P4HA2: variants seen among roughly 807,000 people sequenced by gnomAD.
P4HA2 encodes the protein prolyl 4-hydroxylase subunit alpha 2.
In P4HA2, 46 loss-of-function variants were observed where a neutral mutation model predicts 76.9. The ratio of observed to expected loss-of-function variants is 0.60; its 90% CI spans 0.47 to 0.76. The LOEUF is 0.76. Among genes scored for constraint, P4HA2 ranks in the 30% least tolerant of loss-of-function variants. The pLI, the probability that P4HA2 is intolerant of heterozygous loss-of-function variation, is 0.00. For synonymous variants in P4HA2, 243 were observed against 254.0 expected (o/e 0.96, Z 0.41); for missense variants, 583 against 669.4 (o/e 0.87, Z 1.42).
chr5:132,223,686 G>T (rs896425287), intron 1 of P4HA2, among the ~76,000 whole-genome samples: 3 of 152,162 alleles, frequency 2.0e-5, no homozygotes, highest in African/African-American at 7.2e-5. Context: ...AGCACTATTT[G>T]TTTCCAAAAA....
chr5:132,195,674 A>G, intron 12 of P4HA2, 194 bp from the exon 13 acceptor site: 1 of 617,416 alleles, frequency 1.6e-6, no homozygotes, highest in East Asian at 2.8e-5. Context: ...GATTCATTAG[A>G]ACAGTCTCCA....
rs1295970926 is a variant in P4HA2, at chr5:132,203,734, G to A, written c.1251+14C>T. The A allele has an allele frequency of 2.6e-6, 4 of 1,523,732 alleles. No individual in the cohort carries two copies. The highest frequency in any genetic ancestry group is 2.7e-6 in the Non-Finnish European group (3 of 1,097,698). The allele number at this position is 1,523,732 out of a possible 1,614,324, so 94.4% of individuals were successfully genotyped here. On this transcript the variant is annotated intron_variant, in intron 10 of 14. Coordinates refer to ENST00000360568, the MANE Select transcript of P4HA2 (RefSeq NM_001017974.2). ...CCACTTCCCAACTCCTACAGTCCCAGGTACTATCTGTACCTGTAACAATTC... is the reference window on the plus strand; with the variant it reads ...CCACTTCCCAACTCCTACAGTCCCAAGTACTATCTGTACCTGTAACAATTC...
At position 132,198,237 on chromosome 5, in the gene P4HA2, G is replaced by A. The variant is rs778443240; in HGVS notation, c.1365+84C>T. 77 of 1,614,046 alleles carry A rather than the reference G, an allele frequency of 4.8e-5. No homozygotes were observed. The highest frequency in any genetic ancestry group is 1.6e-4 in the Middle Eastern group (1 of 6,084). ...TAAGAAAGTAGCCACACGATTCCCC[G>A]TCCCTAAATGCTTGAAAGTATCTCG... On this transcript the variant is annotated intron_variant, in intron 12 of 14. Transcript: ENST00000360568.
At chr5:132,218,760 G>A in intron 1 of P4HA2, 116 bp from the exon 2 acceptor site, 2 of 640,432 alleles carry the variant, frequency 3.1e-6, no homozygotes. Flanking sequence ...TCAAAATCCT[G>A]GCCTAGCACA....
intron 5 of P4HA2, 114 bp from the exon 6 acceptor site, chr5:132,210,637 T>G (rs1233771606): frequency 1.0e-6 from 1 of 1,003,090 alleles, no homozygotes; most frequent in Non-Finnish European, 1.6e-6. Context: ...CAAGCAGAAC[T>G]CCATCGGACA....
At chr5:132,200,821 T>C (rs1751387656) in intron 10 of P4HA2, 1 of 152,270 alleles carries the variant, frequency 6.6e-6, no homozygotes, top group Admixed American at 6.5e-5. Context: ...ATTGCTTAAA[T>C]TTACAAATCC....
At position 132,217,612 on chromosome 5, in the gene P4HA2, C is replaced by T. The variant is rs1031245473; in HGVS notation, c.179+140G>A. 8 of 694,684 alleles carry T rather than the reference C, an allele frequency of 1.2e-5. No individual in the cohort carries two copies. The African/African-American group carries it at 1.2e-4, about 11-fold the overall frequency. 43.0% of individuals were successfully genotyped at this position (694,684 alleles called of 1,614,324 possible). On this transcript the variant is annotated intron_variant, in intron 3 of 14. Transcript: ENST00000360568. ...GCCCATGTACTTAGCTCCTCTCAAG[C>T]ACTGGCATGAAGTAACCAGGCCAGC...
At chr5:132,203,986 C>T in intron 9 of P4HA2, 96 bp downstream of exon 9, 1 of 1,194,312 alleles carries the variant, frequency 8.4e-7, no homozygotes, top group South Asian at 1.2e-5. Flanking sequence ...GAGGTGCCAG[C>T]AGGCAGGAAA....
At chr5:132,215,973 A>C (rs1276314769) in intron 4 of P4HA2, among the ~76,000 whole-genome samples, 4 of 151,124 alleles carry the variant, frequency 2.6e-5, no homozygotes, top group Non-Finnish European at 5.9e-5. Flanking sequence ...CATCCTAGCC[A>C]ACATGGTGAA....
chr5:132,225,473 A>G (rs991696560), intron 1 of P4HA2, among the ~76,000 whole-genome samples: 10 of 152,222 alleles, frequency 6.6e-5, no homozygotes, highest in South Asian at 6.2e-4. Context: ...GAGACCCTAG[A>G]TTCCCTCAAC....
rs749068368 is a variant in P4HA2 at position 132,217,829 on chromosome 5, A to T, written c.102T>A (p.Ile34=). 6.8e-6 allele frequency: 11 copies of T among 1,611,502 alleles called. No homozygotes were observed. Among genetic ancestry groups the T allele is most frequent in the Non-Finnish European group, 9.3e-6 (11 of 1,177,894 alleles). Residue 34 remains isoleucine, a synonymous_variant, in exon 3 of 15, where the codon ATT becomes ATA. Transcript: ENST00000360568. The part of the protein sequence containing the change: ...FTSIGHMTDL[I]YAEKELVQSL... ...ACTGCACCAGCTCTTTCTCTGCATAAATCAGGTCAGTCATGTGCCCTGCAA... is the reference window on the plus strand; with the variant it reads ...ACTGCACCAGCTCTTTCTCTGCATATATCAGGTCAGTCATGTGCCCTGCAA...
At position 132,205,298 on chromosome 5, in the gene P4HA2, A is replaced by G. The variant is rs148137882; in HGVS notation, c.1081-1146T>C. 1.6e-4 allele frequency among the ~76,000 whole-genome samples: 24 copies of G among 152,304 alleles called. No individual in the cohort carries two copies. The East Asian group carries it at 4.4e-3, about 28-fold the overall frequency. On this transcript the variant is annotated intron_variant, in intron 8 of 14. Transcript: ENST00000360568. ...AGAGGAACATTACAGGAACAGGGAAAGAGCAGCAATCCAGAGGCCTGGGAA... is the reference window on the plus strand; with the variant it reads ...AGAGGAACATTACAGGAACAGGGAAGGAGCAGCAATCCAGAGGCCTGGGAA...
chr5:132,193,512 G>T (rs1383464522), intron 14 of P4HA2: 6 of 152,438 alleles, frequency 3.9e-5, no homozygotes, highest in Non-Finnish European at 8.8e-5. Flanking sequence ...CACCAAGAGG[G>T]TCCCAGGAGT....
chr5:132,195,779 G>A, intron 12 of P4HA2: 1 of 450,148 alleles, frequency 2.2e-6, no homozygotes. Context: ...GAAAATGCCT[G>A]TTCTGACCCC....
In P4HA2 at chr5:132,190,763, C is replaced by T. The variant is rs945902188; in HGVS notation, c.*2247G>A. ...AGCTCCTGTTTATCAAAAGACAGAA[C>T]TAAAATAGTGAAAAGACAAGCCACA... On this transcript the variant is annotated 3_prime_UTR_variant, in exon 15 of 15. Coordinates refer to ENST00000360568, the MANE Select transcript of P4HA2 (RefSeq NM_001017974.2). Among the ~76,000 whole-genome samples, 1 of 151,906 alleles carries T rather than the reference C, an allele frequency of 6.6e-6. No individual in the cohort carries two copies. Among genetic ancestry groups the T allele is most frequent in the Non-Finnish European group, 1.5e-5 (1 of 67,968 alleles).
chr5:132,214,249 C>T (rs1362151401), intron 4 of P4HA2, among the ~76,000 whole-genome samples, 196 bp from the exon 5 acceptor site: 1 of 151,822 alleles, frequency 6.6e-6, no homozygotes, highest in Non-Finnish European at 1.5e-5. Context: ...CTTTCTTACT[C>T]CTCACCATAC....
At chr5:132,196,905 T>TA (rs1235698943) in intron 12 of P4HA2, among the ~76,000 whole-genome samples, 2 of 150,832 alleles carry the variant, frequency 1.3e-5, no homozygotes, top group African/African-American at 4.9e-5. Context: ...CTCTGATGTT[T>TA]AAAATAAGTC....
In P4HA2 at chr5:132,193,154, T is replaced by C. The variant is rs138173230; in HGVS notation, c.1532-74A>G. The C allele has an allele frequency of 6.1e-6, 6 of 980,148 alleles. No homozygotes were observed. In the African/African-American group the frequency reaches 6.4e-5, roughly 10 times the overall value. The allele number at this position is 980,148 out of a possible 1,614,324, so 60.7% of individuals were successfully genotyped here. ...GCCTGAATGAATGACTCCTTCATGA[T>C]GACCCCCTGCACTGTGCCCTGGAAT... On this transcript the variant is annotated intron_variant, in intron 14 of 14. Transcript: ENST00000360568.
intron 1 of P4HA2, among the ~76,000 whole-genome samples, chr5:132,223,023 C>T (rs181936466): frequency 1.3e-5 from 2 of 152,350 alleles, no homozygotes; most frequent in Non-Finnish European, 2.9e-5. Flanking sequence ...CACCTTGCAA[C>T]CTCTTGGTCT....
Sources: gnomAD v4.1 joint callset for allele counts (sites outside exome capture counted in the v4.1 genomes callset) on GRCh38, gnomAD v4.1.1 for gene constraint, MANE v1.5 for transcripts, NCBI Gene and HGNC (gene_info 2026-07-23, HGNC 2026-07-21) for gene names.